HIVEP1: variants seen among roughly 807,000 people sequenced by gnomAD.
HIVEP1 encodes the protein HIVEP zinc finger 1.
A neutral mutation model predicts 180.0 loss-of-function variants in HIVEP1; 36 were observed. The ratio of observed to expected loss-of-function variants is 0.20; its 90% CI spans 0.15 to 0.26. The LOEUF is 0.26. HIVEP1 is among the 10% of genes least tolerant of loss of function. HIVEP1 has a pLI of 1.00. For synonymous variants in HIVEP1, 1,239 were observed against 1,239.0 expected, an observed-to-expected ratio of 1.00 and a Z score of 0.00; for missense variants, 3,143 against 3,268.7, an observed-to-expected ratio of 0.96 and a Z score of 0.94.
In HIVEP1 at chr6:12,153,277, G is replaced by C. The variant is rs75232291; in HGVS notation, c.6488-8162G>C. Among the ~76,000 whole-genome samples, 420 of 152,242 alleles carry C rather than the reference G, an allele frequency of 2.8e-3. 4 individuals carry two copies. The highest frequency in any genetic ancestry group is 9.4e-3 in the African/African-American group (390 of 41,552). ...GACCTTTCTGATGATTCTGTAGTTA[G>C]ATTTTTAAAATATGATTGAATGTGG... is the stretch of plus-strand genomic sequence containing the variant. On this transcript the variant is annotated intron_variant, in intron 7 of 8. Coordinates refer to ENST00000379388, the MANE Select transcript of HIVEP1 (RefSeq NM_002114.4).
At chr6:12,145,305 G>GGGAATTGAACA (rs1184435805) in intron 7 of HIVEP1, among the ~76,000 whole-genome samples, 1 of 152,100 alleles carries the variant, frequency 6.6e-6, no homozygotes, top group African/African-American at 2.4e-5. Context: ...ACTCACAGAT[G>GGGAATTGAACA]GGAATTGAAC....
At chr6:12,028,182 A>G (rs1470027359) in intron 2 of HIVEP1, among the ~76,000 whole-genome samples, 1 of 152,198 alleles carries the variant, frequency 6.6e-6, no homozygotes, top group Admixed American at 6.5e-5. Flanking sequence ...GGAAGAGCCC[A>G]TAGTGGTCAT....
intron 3 of HIVEP1, among the ~76,000 whole-genome samples, chr6:12,118,498 A>T (rs1775360695): frequency 6.6e-6 from 1 of 152,226 alleles, no homozygotes; most frequent in Non-Finnish European, 1.5e-5. Context: ...AGTAGTTGAT[A>T]GATTGTGGGC....
At chr6:12,129,125 T>A (rs1033833815) in intron 4 of HIVEP1, among the ~76,000 whole-genome samples, 4 of 152,128 alleles carry the variant, frequency 2.6e-5, no homozygotes, top group Admixed American at 6.5e-5. Flanking sequence ...TGGGAGGACC[T>A]CTTGAGCCCA....
At chr6:12,019,381 A>T (rs943530002) in intron 2 of HIVEP1, among the ~76,000 whole-genome samples, 4 of 152,202 alleles carry the variant, frequency 2.6e-5, no homozygotes, top group African/African-American at 4.8e-5. Flanking sequence ...AGCTCCTGAG[A>T]TTAATTTTTG....
At position 12,122,476 on chromosome 6, in the gene HIVEP1, G is replaced by A. The variant is rs774414691; in HGVS notation, c.2681G>A (p.Arg894His). 14 of 1,614,118 alleles carry A rather than the reference G, an allele frequency of 8.7e-6. No individual in the cohort carries two copies. Among genetic ancestry groups the A allele is most frequent in the African/African-American group, 1.3e-5 (1 of 75,006 alleles). The change falls in exon 4 of 9, where the codon CGT (arginine) becomes CAT (histidine). Residue 894 changes from arginine (R) to histidine (H), a missense_variant. Around this residue, in one of 12 missense-constraint regions of HIVEP1, gnomAD observed 204 missense variants for 243.7 expected, o/e 0.84. Coordinates refer to ENST00000379388, the MANE Select transcript of HIVEP1 (RefSeq NM_002114.4). ...CCTGTGCCCCAGAGTGGGCATCCCC[G>A]TACACTTGTGAGACAAGCAGCCATA... ...NAPVPQSGHP[R>H]TLVRQAAIED... is the part of the protein sequence containing the mutation.
intron 1 of HIVEP1, among the ~76,000 whole-genome samples, chr6:12,015,036 C>T (rs1767644728): frequency 6.6e-6 from 1 of 152,246 alleles, no homozygotes; most frequent in Admixed American, 6.5e-5. Flanking sequence ...GCTACAGCTC[C>T]TCACACGTTC....
chr6:12,075,586 G>C (rs1772297911), intron 2 of HIVEP1, among the ~76,000 whole-genome samples: 1 of 141,374 alleles, frequency 7.1e-6, no homozygotes, highest in Non-Finnish European at 1.5e-5. Flanking sequence ...ATTTCAGATT[G>C]GGCCTTTTTT....
Position 12,161,890 on chromosome 6 carries a change from G to A in HIVEP1, c.6939G>A (p.Leu2313=). 6.2e-7 allele frequency: 1 copy of A among 1,613,470 alleles called. No homozygotes were observed. Among genetic ancestry groups the A allele is most frequent in the Non-Finnish European group, 8.5e-7 (1 of 1,179,670 alleles). The change falls in exon 8 of 9, where the codon CTG becomes CTA. Residue 2313 remains leucine, a synonymous_variant. Coordinates refer to ENST00000379388, the MANE Select transcript of HIVEP1 (RefSeq NM_002114.4). ...ACTACCCTGAGTCAGAAGAAATTCT[G>A]AGAAGTTCTATGGCAGGAAAAGCTG... The part of the protein sequence containing the change: ...SVDYPESEEI[L]RSSMAGKAVA...
intron 2 of HIVEP1, among the ~76,000 whole-genome samples, chr6:12,040,609 A>G (rs1769615634): frequency 6.6e-6 from 1 of 152,224 alleles, no homozygotes; most frequent in African/African-American, 2.4e-5. Context: ...TTTTTGCTCA[A>G]TGCATATAAC....
chr6:12,051,800 C>T (rs1770561422), intron 2 of HIVEP1, among the ~76,000 whole-genome samples: 1 of 152,064 alleles, frequency 6.6e-6, no homozygotes, highest in Non-Finnish European at 1.5e-5. Context: ...CGCTTATTCA[C>T]TGTGCTTTTT....
At chr6:12,175,576 G>A in the HIVEP1 span, among the ~76,000 whole-genome samples, 1 of 152,226 alleles carries the variant, frequency 6.6e-6, no homozygotes, top group Non-Finnish European at 1.5e-5. Context: ...ATGGTCAGAT[G>A]TGTATCTGTG....
At chr6:12,115,578 C>T (rs1408390524) in intron 3 of HIVEP1, among the ~76,000 whole-genome samples, 1 of 151,856 alleles carries the variant, frequency 6.6e-6, no homozygotes. Flanking sequence ...AGAGTTTCTG[C>T]TTGATTTTCA....
At position 12,125,187 on chromosome 6, in the gene HIVEP1, T is replaced by A; in HGVS notation, c.5392T>A (p.Leu1798Ile). The change falls in exon 4 of 9, where the codon TTA (leucine) becomes ATA (isoleucine). Residue 1798 changes from leucine (L) to isoleucine (I), a missense_variant. By Grantham distance (5) the Leu-to-Ile change is conservative. Around this residue, in one of 12 missense-constraint regions of HIVEP1, gnomAD observed 1,357 missense variants for 1,260.5 expected, o/e 1.08. Transcript: ENST00000379388. ...AGCTAGTAAACAGAAGAAGCCTATT[T>A]TAGTGAGACAGGTTTGTACTACAGA... ...NEASKQKKPILVRQVCTTEPL... is the reference protein window; with the variant it reads ...NEASKQKKPIIVRQVCTTEPL... 1 of 1,614,138 alleles carries A rather than the reference T, an allele frequency of 6.2e-7. No individual in the cohort carries two copies. Among genetic ancestry groups the A allele is most frequent in the South Asian group, 1.1e-5 (1 of 91,064 alleles).
chr6:12,054,304 T>C (rs1020256186), intron 2 of HIVEP1, among the ~76,000 whole-genome samples: 3 of 152,248 alleles, frequency 2.0e-5, no homozygotes, highest in African/African-American at 7.2e-5. Flanking sequence ...ATACACTATA[T>C]GTTTGTTTCA....
chr6:12,159,230 G>A lies in HIVEP1; in HGVS notation c.6488-2209G>A, dbSNP rs961445253. ...TGTGCGCGCGCGCGTGCACGTGCAC[G>A]CTTGTGTGTGTGTTTAACGTAAACA... On this transcript the variant is annotated intron_variant, in intron 7 of 8. Coordinates refer to ENST00000379388, the MANE Select transcript of HIVEP1 (RefSeq NM_002114.4). Among the ~76,000 whole-genome samples, 28 of 152,140 alleles carry A rather than the reference G, an allele frequency of 1.8e-4. 1 individual carries two copies. The highest frequency in any genetic ancestry group is 8.8e-5 in the Non-Finnish European group (6 of 67,970).
At chr6:12,167,410 C>A (rs574515996), downstream of HIVEP1, among the ~76,000 whole-genome samples, 1 of 151,372 alleles carries the variant, frequency 6.6e-6, no homozygotes, top group South Asian at 2.1e-4. Context: ...TGTTTCAAAA[C>A]CATCTATAAA....
At chr6:12,090,512 G>C (rs1161217691) in intron 3 of HIVEP1, among the ~76,000 whole-genome samples, 1 of 151,944 alleles carries the variant, frequency 6.6e-6, no homozygotes. Context: ...CCTCATGTCT[G>C]CCTTCTCCTC....
At chr6:12,168,202 A>G (rs1760795316), downstream of HIVEP1, among the ~76,000 whole-genome samples, 2 of 96,102 alleles carry the variant, frequency 2.1e-5, 1 homozygote, top group African/African-American at 7.9e-5. Flanking sequence ...GTGTATATAT[A>G]CATATATACA....
Sources: allele counts gnomAD v4.1 joint callset (sites outside exome capture counted in the v4.1 genomes callset), GRCh38; gene constraint gnomAD v4.1.1; regional missense constraint gnomAD v4.1.1; transcripts MANE v1.5; gene names NCBI Gene and HGNC (gene_info 2026-07-23, HGNC 2026-07-21).